The following SAMD5 variants were observed in gnomAD, a reference collection of about 807,000 sequenced individuals.
SAMD5 encodes sterile alpha motif domain-containing protein 5.
A neutral mutation model predicts 11.3 loss-of-function variants in SAMD5; 13 were observed. That is an observed-to-expected ratio of 1.15 (90% confidence interval 0.75 to 1.83). The LOEUF is 1.83. Ranked by LOEUF, SAMD5 falls within the 40% of genes most tolerant of loss-of-function variation. The pLI is 0.00. For synonymous variants in SAMD5, 129 were observed against 111.3 expected (o/e 1.16, Z -1.00); for missense variants, 255 against 239.1 (o/e 1.07, Z -0.44).
At chr6:147,845,295 A>G in the SAMD5 span, among the ~76,000 whole-genome samples, 3,746 of 152,228 alleles carry the variant, frequency 0.025, 169 homozygotes, top group African/African-American at 0.087. Context: ...ATAAAACTAT[A>G]AAGTATTTGG....
chr6:147,757,389 T>C, the SAMD5 span, among the ~76,000 whole-genome samples: 1 of 152,200 alleles, frequency 6.6e-6, no homozygotes, highest in African/African-American at 2.4e-5. Flanking sequence ...AAGAATGGAC[T>C]GACATGTTTT....
At chr6:147,932,615 TG>T in the SAMD5 span, among the ~76,000 whole-genome samples, 35 of 151,030 alleles carry the variant, frequency 2.3e-4, no homozygotes, top group African/African-American at 6.6e-4. Context: ...TGTGTGTGTG[TG>T]TGTGTGTGTG....
chr6:147,668,689 C>T (rs1310273623), intron 1 of SAMD5, among the ~76,000 whole-genome samples: 3 of 151,878 alleles, frequency 2.0e-5, no homozygotes, highest in Non-Finnish European at 4.4e-5. Flanking sequence ...ACTAAAAATA[C>T]AAAAATTAGC....
At chr6:147,900,201 G>T in the SAMD5 span, among the ~76,000 whole-genome samples, 2 of 152,164 alleles carry the variant, frequency 1.3e-5, no homozygotes, top group South Asian at 4.1e-4. Context: ...TTCCCAACTT[G>T]TCAGGACCCA....
the SAMD5 span, among the ~76,000 whole-genome samples, chr6:147,781,526 C>G: frequency 6.6e-6 from 1 of 152,054 alleles, no homozygotes; most frequent in African/African-American, 2.4e-5. Context: ...AGCAAACTCA[C>G]AGAGCTTTCC....
intron 1 of SAMD5, among the ~76,000 whole-genome samples, chr6:147,723,094 G>A (rs571997934): frequency 1.3e-5 from 2 of 152,214 alleles, no homozygotes; most frequent in South Asian, 4.1e-4. Context: ...TTGTTACTAA[G>A]TACTCAGCCC....
Position 147,592,111 on chromosome 6 carries a change from C to T in SAMD5, c.162+82724C>T, listed in dbSNP as rs372158007. Among the ~76,000 whole-genome samples, 24 of 152,242 alleles carry T rather than the reference C, an allele frequency of 1.6e-4. No homozygotes were observed. The East Asian group carries it at 2.9e-3, about 18-fold the overall frequency. ...CAAGCGATCCTCCAGCCTCAGCTTC[C>T]TGAGTAGATGGGACTACAGACATGT... On this transcript the variant is annotated intron_variant, in intron 1 of 1. Coordinates refer to the SAMD5 transcript ENST00000566741.
At chr6:147,784,200 A>T in the SAMD5 span, among the ~76,000 whole-genome samples, 1 of 151,072 alleles carries the variant, frequency 6.6e-6, no homozygotes, top group African/African-American at 2.4e-5. Flanking sequence ...AATTAAGGGA[A>T]TTTTTTTTTT....
At position 147,634,195 on chromosome 6, in the gene SAMD5, A is replaced by C. The variant is rs574489611; in HGVS notation, c.163-103122A>C. On this transcript the variant is annotated intron_variant, in intron 1 of 1. Coordinates refer to the SAMD5 transcript ENST00000566741. ...CCTGAGACTGGGTAACGTATAAAGA[A>C]AAGAGGTTTATTGACTCACAGTTCT... Among the ~76,000 whole-genome samples the C allele has an allele frequency of 1.1e-4, 16 of 152,346 alleles. 2 individuals are homozygous for C. Among genetic ancestry groups the C allele is most frequent in the African/African-American group, 3.8e-4 (16 of 41,580 alleles).
At chr6:147,699,894 T>A (rs541333874) in intron 1 of SAMD5, among the ~76,000 whole-genome samples, 6 of 152,326 alleles carry the variant, frequency 3.9e-5, no homozygotes, top group African/African-American at 1.2e-4. Flanking sequence ...TGTGTTTGAC[T>A]AATATTTGAA....
chr6:147,520,377 C>T lies in SAMD5; in HGVS notation c.459+10990C>T, dbSNP rs533789752. Among the ~76,000 whole-genome samples the T allele has an allele frequency of 2.6e-5, 4 of 152,228 alleles. No individual in the cohort carries two copies. In the East Asian group the frequency reaches 7.7e-4, roughly 29 times the overall value. ...CTCAGGTGATCCACCTGCCTGGCCT[C>T]CCAAAGTGCTGGGATTACAGCCGCC... On this transcript the variant is annotated intron_variant, in intron 1 of 1. Coordinates refer to ENST00000367474, the MANE Select transcript of SAMD5 (RefSeq NM_001030060.3).
the SAMD5 span, among the ~76,000 whole-genome samples, chr6:147,852,102 T>C: frequency 6.6e-6 from 1 of 152,202 alleles, no homozygotes; most frequent in Non-Finnish European, 1.5e-5. Context: ...TTATATTTAC[T>C]AGCATTTGTT....
chr6:147,721,592 G>C (rs1447523096), intron 1 of SAMD5, among the ~76,000 whole-genome samples: 2 of 152,050 alleles, frequency 1.3e-5, no homozygotes, highest in Non-Finnish European at 2.9e-5. Context: ...GTAGATTCTG[G>C]ATATTAGCCC....
chr6:147,805,383 A>G, the SAMD5 span, among the ~76,000 whole-genome samples: 184 of 152,342 alleles, frequency 1.2e-3, 1 homozygote, highest in African/African-American at 4.3e-3. Context: ...CTATGTTTAC[A>G]TACAGGATGT....
intron 1 of SAMD5, among the ~76,000 whole-genome samples, chr6:147,719,875 T>A (rs944227523): frequency 6.6e-6 from 1 of 152,234 alleles, no homozygotes; most frequent in African/African-American, 2.4e-5. Flanking sequence ...TAATGTTTTC[T>A]ACAGAAAGTT....
the SAMD5 span, among the ~76,000 whole-genome samples, chr6:147,934,237 C>G: frequency 1.3e-5 from 2 of 152,048 alleles, no homozygotes; most frequent in African/African-American, 4.8e-5. Context: ...TCCCACATAG[C>G]TAGAAGTGTT....
At chr6:147,791,291 A>G in the SAMD5 span, among the ~76,000 whole-genome samples, 1 of 128,674 alleles carries the variant, frequency 7.8e-6, no homozygotes, top group East Asian at 1.9e-4. Flanking sequence ...CCCCGTCTCA[A>G]ATAAATAAAT....
chr6:147,761,139 A>G, the SAMD5 span, among the ~76,000 whole-genome samples: 16 of 152,296 alleles, frequency 1.1e-4, no homozygotes, highest in African/African-American at 3.6e-4. Context: ...TTTACTTTGT[A>G]TCTTTGTGGG....
At chr6:147,681,757 G>C (rs1476702312) in intron 1 of SAMD5, among the ~76,000 whole-genome samples, 1 of 152,094 alleles carries the variant, frequency 6.6e-6, no homozygotes. Context: ...CCCTAGTTAG[G>C]ACCCAAACAG....
Sources: allele counts gnomAD v4.1 joint callset (sites outside exome capture counted in the v4.1 genomes callset), GRCh38; gene constraint gnomAD v4.1.1; transcripts MANE v1.5; gene names NCBI Gene and HGNC (gene_info 2026-07-23, HGNC 2026-07-21).